The following HYDIN variants were observed in gnomAD, a reference collection of about 807,000 sequenced individuals.
HYDIN encodes the protein axonemal central pair apparatus protein HYDIN.
A neutral mutation model predicts 403.9 loss-of-function variants in HYDIN; 132 were observed. That is an observed-to-expected ratio of 0.33 (90% CI 0.28 to 0.38). The LOEUF is 0.38. Ranked by LOEUF, HYDIN falls within the 10% of genes least tolerant of loss-of-function variation. The pLI is 1.00. For missense variants in HYDIN, 2,827 were observed against 5,009.5 expected, an observed-to-expected ratio of 0.56 and a Z score of 13.15; for synonymous variants, 1,202 against 1,891.7, an observed-to-expected ratio of 0.64 and a Z score of 9.46.
chr16:70,938,664 T>C lies in HYDIN; in HGVS notation c.6945A>G (p.Lys2315=), dbSNP rs796284988. 6.2e-7 allele frequency: 1 copy of C among 1,611,072 alleles called. No individual in the cohort carries two copies. Among genetic ancestry groups the C allele is most frequent in the African/African-American group, 1.3e-5 (1 of 74,918 alleles). ...EEYDALTEEE[K]LTFDRGIQQA... is the part of the protein sequence containing the mutation. ...GCTGAATCCCCCGATCGAATGTGAG[T>C]TTCTCCTCCTCAGTCAGGGCATCAT... is the stretch of plus-strand genomic sequence containing the variant. The change falls in exon 44 of 86, where the codon AAA becomes AAG. Residue 2315 remains lysine (K), a synonymous_variant. Coordinates refer to ENST00000393567, the MANE Select transcript of HYDIN (RefSeq NM_001270974.2).
intron 29 of HYDIN, among the ~76,000 whole-genome samples, chr16:70,979,356 G>T (rs1000195230): frequency 1.1e-4 from 17 of 151,654 alleles, no homozygotes; most frequent in Admixed American, 8.5e-4. Flanking sequence ...CTTGCTTGGG[G>T]TTTTCTTGGT....
chr16:71,085,706 C>T (rs2082912225), intron 12 of HYDIN, among the ~76,000 whole-genome samples: 1 of 152,052 alleles, frequency 6.6e-6, no homozygotes, highest in South Asian at 2.1e-4. Context: ...TTGTAAAATG[C>T]CCTTCTTTGT....
chr16:70,835,519 T>C (rs2037368890), intron 78 of HYDIN, among the ~76,000 whole-genome samples, 157 bp downstream of exon 78: 1 of 152,154 alleles, frequency 6.6e-6, no homozygotes, highest in South Asian at 2.1e-4. Flanking sequence ...CTATACTGTT[T>C]TTGTGAAAAT....
intron 8 of HYDIN, among the ~76,000 whole-genome samples, 193 bp downstream of exon 8, chr16:71,136,958 C>A (rs1362474962): frequency 6.8e-6 from 1 of 146,358 alleles, no homozygotes; most frequent in Non-Finnish European, 1.5e-5. Flanking sequence ...ACATTCTGTT[C>A]CACATAGCTC....
At chr16:71,223,865 T>A (rs896676305) in intron 1 of HYDIN, among the ~76,000 whole-genome samples, 1 of 152,198 alleles carries the variant, frequency 6.6e-6, no homozygotes, top group African/African-American at 2.4e-5. Context: ...GGAATACTTC[T>A]ACACTATTGG....
chr16:70,870,041 A>T (rs1387568106), intron 65 of HYDIN, among the ~76,000 whole-genome samples: 3 of 152,148 alleles, frequency 2.0e-5, no homozygotes, highest in Non-Finnish European at 4.4e-5. Flanking sequence ...TAGCAAAGAG[A>T]CTGGTGGCAT....
intron 35 of HYDIN, among the ~76,000 whole-genome samples, chr16:70,972,716 G>C (rs981539064): frequency 2.0e-5 from 3 of 152,194 alleles, no homozygotes; most frequent in African/African-American, 7.2e-5. Context: ...CCAGGGGCCA[G>C]ATACTTTCAA....
At chr16:70,904,856 C>T (rs1003226012) in intron 50 of HYDIN, among the ~76,000 whole-genome samples, 1 of 151,256 alleles carries the variant, frequency 6.6e-6, no homozygotes, top group Non-Finnish European at 1.5e-5. Flanking sequence ...TCATTCACCT[C>T]CTTCTCCCAA....
intron 45 of HYDIN, among the ~76,000 whole-genome samples, chr16:70,922,785 C>CTT (rs77860153): frequency 0.026 from 2,920 of 110,240 alleles, 114 homozygotes; most frequent in African/African-American, 0.092. Flanking sequence ...CTTTTATAAC[C>CTT]TTTTTTTTTT....
At chr16:71,063,266 G>T (rs1405066383) in intron 16 of HYDIN, among the ~76,000 whole-genome samples, 1 of 152,180 alleles carries the variant, frequency 6.6e-6, no homozygotes, top group African/African-American at 2.4e-5. Flanking sequence ...TCTGCATCTG[G>T]TCTGGCCTAA....
intron 1 of HYDIN, among the ~76,000 whole-genome samples, chr16:71,189,817 A>G (rs2144676295): frequency 6.6e-6 from 1 of 151,976 alleles, no homozygotes; most frequent in Middle Eastern, 3.4e-3. Flanking sequence ...TCTCAATGAG[A>G]TATGCTGTCA....
intron 18 of HYDIN, among the ~76,000 whole-genome samples, chr16:71,046,961 T>C (rs531566478): frequency 6.6e-6 from 1 of 151,986 alleles, no homozygotes; most frequent in Admixed American, 6.6e-5. Flanking sequence ...GGAAGAAACA[T>C]AAATTTTTAT....
At chr16:70,958,309 T>G (rs2078304993) in intron 39 of HYDIN, among the ~76,000 whole-genome samples, 2 of 152,132 alleles carry the variant, frequency 1.3e-5, no homozygotes, top group African/African-American at 4.8e-5. Flanking sequence ...TCATGAAGAT[T>G]CTGTGAAAGC....
chr16:70,928,288 C>A (rs1567847321), intron 45 of HYDIN, among the ~76,000 whole-genome samples: 1 of 152,186 alleles, frequency 6.6e-6, no homozygotes, highest in African/African-American at 2.4e-5. Flanking sequence ...CATGGCATAA[C>A]CACATTTCTA....
chr16:70,855,859 A>G (rs1029265246), intron 72 of HYDIN, among the ~76,000 whole-genome samples: 1 of 152,260 alleles, frequency 6.6e-6, no homozygotes, highest in Non-Finnish European at 1.5e-5. Flanking sequence ...TTAGCAAATA[A>G]TTTTTTGGTA....
chr16:71,068,457 C>T (rs896377568), intron 14 of HYDIN, among the ~76,000 whole-genome samples: 22 of 151,786 alleles, frequency 1.4e-4, no homozygotes, highest in South Asian at 2.1e-4. Flanking sequence ...TGGAAAGAAA[C>T]AGAGAATCCT....
At chr16:70,809,678 A>T in intron 85 of HYDIN, 105 bp downstream of exon 85, 1 of 899,660 alleles carries the variant, frequency 1.1e-6, no homozygotes. Context: ...GAAGCACCTG[A>T]GTCTCTCTGA....
chr16:70,891,285 T>C (rs1476622182), intron 57 of HYDIN, among the ~76,000 whole-genome samples: 1 of 152,026 alleles, frequency 6.6e-6, no homozygotes, highest in African/African-American at 2.4e-5. Flanking sequence ...GCCTCTCAGG[T>C]TCAAGCGATT....
Position 70,808,075 on chromosome 16 carries a change from C to A in HYDIN, c.14884-13G>T, listed in dbSNP as rs536722388. On this transcript the variant is annotated splice_polypyrimidine_tract_variant and intron_variant, in intron 85 of 85. Transcript: ENST00000393567. ...CTGTACAGTCGGTCTGAAAGGGGAA[C>A]AAACAAACTCAGCTCACGTGAGATC... The A allele has an allele frequency of 2.5e-6, 4 of 1,580,270 alleles. No homozygotes were observed. Among genetic ancestry groups the A allele is most frequent in the East Asian group, 4.5e-5 (2 of 44,584 alleles).
Sources: allele counts gnomAD v4.1 joint callset (sites outside exome capture counted in the v4.1 genomes callset), GRCh38; gene constraint gnomAD v4.1.1; transcripts MANE v1.5; gene names NCBI Gene and HGNC (gene_info 2026-07-23, HGNC 2026-07-21).